Variants in ITPKB observed in about 807,000 individuals in gnomAD.
ITPKB encodes IP3 3-kinase B.
Under a neutral mutation model 69.4 loss-of-function variants are expected in ITPKB, and 13 were observed. That is an observed-to-expected ratio of 0.19 (90% CI 0.12 to 0.30). The LOEUF (loss-of-function observed/expected upper bound fraction) is 0.30. Among genes scored for constraint, ITPKB ranks in the 10% least tolerant of loss-of-function variants. The pLI is 1.00. For missense variants in ITPKB, 1,240 were observed against 1,250.5 expected (o/e 0.99, Z 0.13); for synonymous variants, 584 against 513.7 (o/e 1.14, Z -1.85).
chr1:226,650,156 C>T (rs74835695), intron 2 of ITPKB, among the ~76,000 whole-genome samples: 3,261 of 152,344 alleles, frequency 0.021, 109 homozygotes, highest in Admixed American at 0.089. Context: ...GGGTCAGCGG[C>T]GGCTGCTGGG....
At chr1:226,733,739 T>C (rs3768416) in intron 2 of ITPKB, among the ~76,000 whole-genome samples, 1,900 of 152,310 alleles carry the variant, frequency 0.012, 85 homozygotes, top group East Asian at 0.073. Flanking sequence ...CCTCTGGATA[T>C]GTTCACTAAC....
intron 5 of ITPKB, 89 bp from the exon 6 acceptor site, chr1:226,639,747 C>A (rs968813923): frequency 1.3e-5 from 11 of 862,766 alleles, no homozygotes; most frequent in Non-Finnish European, 1.9e-5. Flanking sequence ...ACAGAGCAGG[C>A]GAGCCCCATC....
intron 2 of ITPKB, among the ~76,000 whole-genome samples, chr1:226,725,471 T>G (rs1657384244): frequency 6.6e-6 from 1 of 152,232 alleles, no homozygotes; most frequent in African/African-American, 2.4e-5. Context: ...CTGCTCAAGA[T>G]GTAATTAAAA....
At chr1:226,692,160 G>A (rs533064653) in intron 2 of ITPKB, among the ~76,000 whole-genome samples, 1 of 152,156 alleles carries the variant, frequency 6.6e-6, no homozygotes, top group Non-Finnish European at 1.5e-5. Context: ...ATATGTCCAA[G>A]GAGCAGAGCT....
chr1:226,679,092 T>C (rs1419465377), intron 2 of ITPKB, among the ~76,000 whole-genome samples: 1 of 152,240 alleles, frequency 6.6e-6, no homozygotes, highest in Non-Finnish European at 1.5e-5. Flanking sequence ...TGGGTGCCTC[T>C]CTAAGATAGA....
At position 226,703,499 on chromosome 1, in the gene ITPKB, G is replaced by A. The variant is rs1047640813; in HGVS notation, c.1932+32028C>T. 3.3e-5 allele frequency among the ~76,000 whole-genome samples: 5 copies of A among 152,112 alleles called. No individual in the cohort carries two copies. The East Asian group carries it at 7.7e-4, about 24-fold the overall frequency. On this transcript the variant is annotated intron_variant, in intron 2 of 7. Transcript: ENST00000429204. The stretch of plus-strand genomic sequence containing the variant: ...GCGGTTTCTTCCCCTGTCGCTGCCC[G>A]GCCCCCACCTCCTCTCTCCTCCCGC...
chr1:226,705,914 G>A (rs1457175064), intron 2 of ITPKB, among the ~76,000 whole-genome samples: 1 of 152,246 alleles, frequency 6.6e-6, no homozygotes, highest in African/African-American at 2.4e-5. Context: ...AGCACTTGTA[G>A]AGCCATCAGA....
chr1:226,718,746 G>A (rs1462156692), intron 2 of ITPKB, among the ~76,000 whole-genome samples: 1 of 152,226 alleles, frequency 6.6e-6, no homozygotes, highest in Non-Finnish European at 1.5e-5. Flanking sequence ...AGAAGCTGCA[G>A]CACTCATACA....
rs1236764775 is a variant in ITPKB at position 226,637,714 on chromosome 1, T to C, written c.2590A>G (p.Thr864Ala). 2 of 1,613,996 alleles carry C rather than the reference T, an allele frequency of 1.2e-6. No homozygotes were observed. Among genetic ancestry groups the C allele is most frequent in the Admixed American group, 3.3e-5 (2 of 60,006 alleles). ...YRDRLKAIRT[T>A]LEVSPFFKCH... is the part of the protein sequence containing the mutation. ...TTGAAGAAGGGAGAAACTTCTAGAG[T>C]GGTTCGAATGGCCTTCAGCCGGTCC... Residue 864 changes from threonine to alanine, a missense_variant, in exon 7 of 8, where the codon ACT becomes GCT. By Grantham distance (58) the Thr-to-Ala change is moderately conservative (BLOSUM62 0). Around this residue, in one of 2 missense-constraint regions of ITPKB, gnomAD observed 248 missense variants for 396.7 expected, o/e 0.63. Coordinates refer to ENST00000429204, the MANE Select transcript of ITPKB (RefSeq NM_002221.4). The surrounding 1 kb of genome is among the most constrained non-coding windows in gnomAD (Gnocchi z 4.3).
Position 226,642,315 on chromosome 1 carries a change from TTTTTC to T in ITPKB, c.2247-195_2247-191del, listed in dbSNP as rs1276975165. Among the ~76,000 whole-genome samples, 1 of 152,038 alleles carries T rather than the reference TTTTTC, an allele frequency of 6.6e-6. No individual in the cohort carries two copies. The highest frequency in any genetic ancestry group is 2.4e-5 in the African/African-American group (1 of 41,388). ...CTGTTCCAGCTGGGGCTGGCTCTAA[TTTTTC>T]TTTTCTTTTTTTTTTAGACAATTTT... On this transcript the variant is annotated intron_variant, in intron 4 of 7. Coordinates refer to ENST00000429204, the MANE Select transcript of ITPKB (RefSeq NM_002221.4). This position sits in a 1 kb window ranked among gnomAD's most constrained non-coding sequence, Gnocchi z 6.4.
intron 2 of ITPKB, among the ~76,000 whole-genome samples, chr1:226,652,430 T>G (rs1032596834): frequency 6.6e-6 from 1 of 152,192 alleles, no homozygotes; most frequent in Non-Finnish European, 1.5e-5. Flanking sequence ...ATCCCCCAGA[T>G]AAGACAGGTA....
chr1:226,704,274 T>C (rs1259294936), intron 2 of ITPKB, among the ~76,000 whole-genome samples: 1 of 152,200 alleles, frequency 6.6e-6, no homozygotes, highest in Non-Finnish European at 1.5e-5. Context: ...TTACAAAGCA[T>C]TGTTAACTCT....
chr1:226,720,401 G>A (rs985013299), intron 2 of ITPKB, among the ~76,000 whole-genome samples: 6 of 152,204 alleles, frequency 3.9e-5, no homozygotes, highest in Admixed American at 2.6e-4. Context: ...ACCTTCCTCT[G>A]TTCTCCAGGC....
At chr1:226,705,324 G>T (rs946596301) in intron 2 of ITPKB, among the ~76,000 whole-genome samples, 4 of 146,136 alleles carry the variant, frequency 2.7e-5, no homozygotes, top group Admixed American at 6.9e-5. Flanking sequence ...GAGGTCGGGA[G>T]TTCGAGACCA....
intron 2 of ITPKB, among the ~76,000 whole-genome samples, chr1:226,695,071 A>T (rs912318262): frequency 1.3e-5 from 2 of 152,162 alleles, no homozygotes; most frequent in African/African-American, 4.8e-5. Context: ...CTCCACCAAA[A>T]ATACAAAAAT....
chr1:226,711,405 AAGAG>A (rs59479705), intron 2 of ITPKB, among the ~76,000 whole-genome samples: 12,644 of 129,194 alleles, frequency 0.098, 610 homozygotes, highest in East Asian at 0.14. Context: ...GGTGTTTTGA[AAGAG>A]AGAGAGAGAG....
intron 2 of ITPKB, among the ~76,000 whole-genome samples, chr1:226,731,024 A>G (rs1657574660): frequency 1.3e-5 from 2 of 152,372 alleles, no homozygotes; most frequent in South Asian, 2.1e-4. Context: ...CATTTGCATG[A>G]TAAGTAGCAA....
At position 226,737,216 on chromosome 1, in the gene ITPKB, C is replaced by A; in HGVS notation, c.243G>T (p.Arg81Ser). ...TGCCACTGCCGCTGCTACTATTCAG[C>A]CTGCGCCGGCCGCTCCGCCAGCCCC... ...SPGGWRSGRR[R>S]LNSSSGSGSG... The change falls in exon 2 of 8, where the codon AGG (arginine) becomes AGT (serine). Residue 81 changes from arginine to serine, a missense_variant. By Grantham distance (110) the Arg-to-Ser change is moderately radical. This residue lies in a region of ITPKB where 992 missense variants were observed against 853.8 expected (regional missense o/e 1.16). Coordinates refer to ENST00000429204, the MANE Select transcript of ITPKB (RefSeq NM_002221.4). 3 of 1,569,496 alleles carry A rather than the reference C, an allele frequency of 1.9e-6. No homozygotes were observed. The highest frequency in any genetic ancestry group is 2.6e-6 in the Non-Finnish European group (3 of 1,165,380).
At chr1:226,715,274 G>A (rs1382907105) in intron 2 of ITPKB, among the ~76,000 whole-genome samples, 1 of 152,236 alleles carries the variant, frequency 6.6e-6, no homozygotes, top group African/African-American at 2.4e-5. Flanking sequence ...TAAAGCGTTA[G>A]TTCACTCTTT....
Sources: allele counts gnomAD v4.1 joint callset (sites outside exome capture counted in the v4.1 genomes callset), GRCh38; gene constraint gnomAD v4.1.1; regional missense constraint gnomAD v4.1.1; non-coding constraint Gnocchi (gnomAD v3.1); transcripts MANE v1.5; gene names NCBI Gene and HGNC (gene_info 2026-07-23, HGNC 2026-07-21).